Variants in NXPH1 observed in about 807,000 individuals in gnomAD.
NXPH1 encodes the protein neurexophilin-1.
Under a neutral mutation model 23.7 loss-of-function variants are expected in NXPH1, and 5 were observed. The observed-to-expected ratio is 0.21, with a 90% CI of 0.11 to 0.44. The LOEUF (loss-of-function observed/expected upper bound fraction) is 0.44, where lower values mean the gene tolerates loss of function less well. Among genes scored for constraint, NXPH1 ranks in the 20% least tolerant of loss-of-function variants. The pLI is 0.99. For missense variants in NXPH1, 324 were observed against 321.6 expected, an observed-to-expected ratio of 1.01 and a Z score of -0.06; for synonymous variants, 144 against 122.2, an observed-to-expected ratio of 1.18 and a Z score of -1.18.
intron 2 of NXPH1, among the ~76,000 whole-genome samples, chr7:8,641,906 G>A (rs1183306559): frequency 2.0e-5 from 3 of 152,118 alleles, no homozygotes; most frequent in African/African-American, 7.2e-5. Context: ...CAATGAATGT[G>A]TGAAACTTCT....
chr7:8,654,384 T>G (rs187979035), intron 2 of NXPH1, among the ~76,000 whole-genome samples: 3 of 152,320 alleles, frequency 2.0e-5, no homozygotes, highest in Admixed American at 2.0e-4. Context: ...ATGATCTGTT[T>G]GTAGAAGGCC....
chr7:8,651,040 T>C (rs1820483590), intron 2 of NXPH1, among the ~76,000 whole-genome samples: 1 of 151,030 alleles, frequency 6.6e-6, no homozygotes, highest in South Asian at 2.1e-4. Context: ...GTTACATATG[T>C]ATACATGTGC....
intron 2 of NXPH1, among the ~76,000 whole-genome samples, chr7:8,564,969 A>G (rs1818513509): frequency 6.6e-6 from 1 of 151,788 alleles, no homozygotes; most frequent in South Asian, 2.1e-4. Context: ...GTGTCCTCTC[A>G]GGAAGTAAAC....
chr7:8,596,724 G>T (rs1264687151), intron 2 of NXPH1, among the ~76,000 whole-genome samples: 1 of 152,084 alleles, frequency 6.6e-6, no homozygotes, highest in Non-Finnish European at 1.5e-5. Context: ...GCACAGAGAG[G>T]TTAGGTGACT....
chr7:8,668,082 G>A (rs1345994857), intron 2 of NXPH1, among the ~76,000 whole-genome samples: 1 of 127,416 alleles, frequency 7.8e-6, no homozygotes, highest in Non-Finnish European at 1.7e-5. Context: ...TAATTTGGTT[G>A]TTTATTATAG....
intron 2 of NXPH1, among the ~76,000 whole-genome samples, chr7:8,543,083 G>C (rs916688873): frequency 6.6e-6 from 1 of 151,200 alleles, no homozygotes; most frequent in Admixed American, 6.6e-5. Context: ...TGTCCTTTTG[G>C]GGGTAGATAT....
intron 2 of NXPH1, among the ~76,000 whole-genome samples, chr7:8,443,881 C>A (rs1196339115): frequency 1.3e-5 from 2 of 152,140 alleles, no homozygotes; most frequent in Non-Finnish European, 2.9e-5. Context: ...ACAACCGCCC[C>A]CTACAAACAC....
chr7:8,593,133 G>C (rs769604563), intron 2 of NXPH1, among the ~76,000 whole-genome samples: 1 of 150,758 alleles, frequency 6.6e-6, no homozygotes, highest in Non-Finnish European at 1.5e-5. Context: ...ATAAATTTTA[G>C]TCCCTAAGCA....
At chr7:8,609,140 A>T (rs1167685343) in intron 2 of NXPH1, among the ~76,000 whole-genome samples, 3 of 152,204 alleles carry the variant, frequency 2.0e-5, no homozygotes, top group African/African-American at 7.2e-5. Flanking sequence ...TTAACAATAT[A>T]TTAGGTCCAA....
chr7:8,519,828 A>G (rs1185705259), intron 2 of NXPH1, among the ~76,000 whole-genome samples: 1 of 152,178 alleles, frequency 6.6e-6, no homozygotes, highest in Non-Finnish European at 1.5e-5. Flanking sequence ...ACATACATAT[A>G]TTTATACACA....
chr7:8,590,119 T>C (rs1251646160), intron 2 of NXPH1, among the ~76,000 whole-genome samples: 1 of 152,086 alleles, frequency 6.6e-6, no homozygotes, highest in African/African-American at 2.4e-5. Flanking sequence ...CTTCTTTTCA[T>C]AGTTATTGGA....
intron 2 of NXPH1, among the ~76,000 whole-genome samples, chr7:8,547,461 G>A (rs894168635): frequency 2.0e-5 from 3 of 150,600 alleles, no homozygotes; most frequent in Admixed American, 2.0e-4. Flanking sequence ...ATAAATGAAA[G>A]ACTAGAAAAC....
rs564673474 is a variant in NXPH1, at chr7:8,496,661, C to A, written c.54+60894C>A. The stretch of plus-strand genomic sequence containing the variant: ...AGAAATGCAACTTCTTGGGCCCCAT[C>A]CCAGAACTCAGGGAGAGGGAGCTCA... On this transcript the variant is annotated intron_variant, in intron 2 of 2. Transcript: ENST00000405863. Among the ~76,000 whole-genome samples, 4 of 152,148 alleles carry A rather than the reference C, an allele frequency of 2.6e-5. No homozygotes were observed. The East Asian group carries it at 7.8e-4, about 30-fold the overall frequency.
intron 2 of NXPH1, among the ~76,000 whole-genome samples, chr7:8,737,935 A>G (rs1780290371): frequency 6.6e-6 from 1 of 152,056 alleles, no homozygotes; most frequent in Admixed American, 6.6e-5. Context: ...AGCTACTGAT[A>G]CTCGTGTATG....
chr7:8,697,835 G>A (rs911497006), intron 2 of NXPH1, among the ~76,000 whole-genome samples: 11 of 152,226 alleles, frequency 7.2e-5, no homozygotes, highest in Admixed American at 2.6e-4. Flanking sequence ...TTTTAGGACC[G>A]GCAAGAGAGC....
chr7:8,598,129 C>G (rs1819267971), intron 2 of NXPH1, among the ~76,000 whole-genome samples: 1 of 152,102 alleles, frequency 6.6e-6, no homozygotes, highest in Non-Finnish European at 1.5e-5. Flanking sequence ...ATATGTCATC[C>G]TCTCCATCTT....
chr7:8,440,110 A>T (rs1288377847), intron 2 of NXPH1, among the ~76,000 whole-genome samples: 1 of 152,134 alleles, frequency 6.6e-6, no homozygotes, highest in Admixed American at 6.5e-5. Flanking sequence ...CGGGATTCAG[A>T]CTAGATTTTT....
chr7:8,738,902 C>T (rs1462160321), intron 2 of NXPH1, among the ~76,000 whole-genome samples: 1 of 152,034 alleles, frequency 6.6e-6, no homozygotes, highest in Non-Finnish European at 1.5e-5. Context: ...TCCGAACTTC[C>T]CCCAGCAGCT....
intron 2 of NXPH1, among the ~76,000 whole-genome samples, chr7:8,578,766 A>G (rs1401208434): frequency 6.6e-6 from 1 of 152,234 alleles, no homozygotes; most frequent in Non-Finnish European, 1.5e-5. Flanking sequence ...TGCTATGGAA[A>G]CATAAAACAG....
Sources: gnomAD v4.1 joint callset for allele counts (sites outside exome capture counted in the v4.1 genomes callset) on GRCh38, gnomAD v4.1.1 for gene constraint, MANE v1.5 for transcripts, NCBI Gene and HGNC (gene_info 2026-07-23, HGNC 2026-07-21) for gene names.